RPS6KC1: variants seen among roughly 807,000 people sequenced by gnomAD.
The protein encoded by RPS6KC1 is inactive ribosomal protein S6 kinase delta-1.
Under a neutral mutation model 103.8 loss-of-function variants are expected in RPS6KC1, and 54 were observed. That is an observed-to-expected ratio of 0.52 (90% CI 0.42 to 0.65). RPS6KC1 has a LOEUF of 0.65. Ranked by LOEUF, RPS6KC1 falls within the 30% of genes least tolerant of loss-of-function variation. The pLI is 0.00. For missense variants in RPS6KC1, 1,151 were observed against 1,253.8 expected (o/e 0.92, Z 1.24); for synonymous variants, 439 against 438.7 (o/e 1.00, Z -0.01).
At chr1:213,857,933 T>A in the RPS6KC1 span, among the ~76,000 whole-genome samples, 1 of 152,164 alleles carries the variant, frequency 6.6e-6, no homozygotes, top group South Asian at 2.1e-4. Flanking sequence ...TCATGCCAAA[T>A]AGGAGAGGGA....
chr1:213,164,039 C>G (rs2090731342), intron 6 of RPS6KC1, among the ~76,000 whole-genome samples: 1 of 152,134 alleles, frequency 6.6e-6, no homozygotes, highest in Non-Finnish European at 1.5e-5. Context: ...TGAAAGGTAG[C>G]TTAGGATAGT....
chr1:213,241,689 C>T lies in RPS6KC1; in HGVS notation c.2213C>T (p.Thr738Ile), dbSNP rs2148945333. The change falls in exon 11 of 15, where the codon ACT becomes ATT. Residue 738 changes from threonine (T) to isoleucine (I), a missense_variant. This residue lies in a region of RPS6KC1 where 959 missense variants were observed against 1,006.3 expected (regional missense o/e 0.95). Coordinates refer to ENST00000366960, the MANE Select transcript of RPS6KC1 (RefSeq NM_012424.6). ...APDVLCLRLS[T>I]EQCQAHEEKG... ...GATGTTTTATGCCTCAGGCTTAGTA[C>T]TGAACAATGCCAAGCACATGAGGAG... The T allele has an allele frequency of 1.2e-6, 2 of 1,613,872 alleles. No homozygotes were observed. The highest frequency in any genetic ancestry group is 2.2e-5 in the East Asian group (1 of 44,848).
At chr1:213,153,428 T>G (rs573868571) in intron 6 of RPS6KC1, among the ~76,000 whole-genome samples, 33 of 152,330 alleles carry the variant, frequency 2.2e-4, no homozygotes, top group African/African-American at 6.0e-4. Flanking sequence ...TGATAACAAC[T>G]TAACACTTGT....
At chr1:213,860,450 A>G in the RPS6KC1 span, among the ~76,000 whole-genome samples, 1 of 152,226 alleles carries the variant, frequency 6.6e-6, no homozygotes, top group East Asian at 1.9e-4. Flanking sequence ...CCATAATAAG[A>G]GCTCACAGCT....
chr1:213,808,069 C>T, the RPS6KC1 span, among the ~76,000 whole-genome samples: 1 of 152,200 alleles, frequency 6.6e-6, no homozygotes, highest in Non-Finnish European at 1.5e-5. Context: ...TGGGTATCAG[C>T]AGCGGTGTCT....
intron 3 of RPS6KC1, among the ~76,000 whole-genome samples, chr1:213,085,778 G>A (rs962549703): frequency 6.6e-6 from 1 of 151,788 alleles, no homozygotes; most frequent in Admixed American, 6.6e-5. Flanking sequence ...AATTGATCTG[G>A]ACTCACATAT....
intron 10 of RPS6KC1, among the ~76,000 whole-genome samples, chr1:213,236,485 A>G (rs2148902660): frequency 1.3e-5 from 2 of 152,310 alleles, no homozygotes; most frequent in South Asian, 4.1e-4. Flanking sequence ...GGTGATGTTT[A>G]GTAGACAGGC....
At chr1:213,550,431 T>C in the RPS6KC1 span, among the ~76,000 whole-genome samples, 1 of 152,164 alleles carries the variant, frequency 6.6e-6, no homozygotes, top group Non-Finnish European at 1.5e-5. Context: ...AGGACATTAA[T>C]TGAGATCATT....
At chr1:213,566,982 TGTATGGTTGGTG>T in the RPS6KC1 span, among the ~76,000 whole-genome samples, 1 of 152,196 alleles carries the variant, frequency 6.6e-6, no homozygotes, top group African/African-American at 2.4e-5. Context: ...TGGATTGTAA[TGTATGGTTGGTG>T]GACATTTATC....
At chr1:213,613,491 G>C in the RPS6KC1 span, among the ~76,000 whole-genome samples, 2 of 152,192 alleles carry the variant, frequency 1.3e-5, no homozygotes, top group African/African-American at 4.8e-5. Context: ...AAGGGACTGT[G>C]GTGGACATCA....
Position 213,225,343 on chromosome 1 carries a change from A to G in RPS6KC1, c.1045-5154A>G, listed in dbSNP as rs555084222. ...GCACACAAACTTTGTAGGAGAAGAA[A>G]GTAAATATAAACAAAGCAGCATTTC... On this transcript the variant is annotated intron_variant, in intron 8 of 14. Coordinates refer to ENST00000366960, the MANE Select transcript of RPS6KC1 (RefSeq NM_012424.6). 3.3e-5 allele frequency among the ~76,000 whole-genome samples: 5 copies of G among 152,260 alleles called. No individual in the cohort carries two copies. In the East Asian group the frequency reaches 9.7e-4, roughly 29 times the overall value.
the RPS6KC1 span, among the ~76,000 whole-genome samples, chr1:213,807,629 A>C: frequency 1.3e-5 from 2 of 152,098 alleles, no homozygotes; most frequent in South Asian, 4.1e-4. Flanking sequence ...TTTCAGCTCC[A>C]TCAGCTCCTT....
At chr1:213,631,145 C>G in the RPS6KC1 span, among the ~76,000 whole-genome samples, 1 of 152,144 alleles carries the variant, frequency 6.6e-6, no homozygotes, top group African/African-American at 2.4e-5. Flanking sequence ...AATTCCCTGA[C>G]CTCTTGCACT....
At chr1:213,493,806 A>G in the RPS6KC1 span, among the ~76,000 whole-genome samples, 1 of 152,232 alleles carries the variant, frequency 6.6e-6, no homozygotes, top group Admixed American at 6.5e-5. Context: ...AAAGCCCTGT[A>G]GGGAAATACA....
At chr1:213,720,266 G>T in the RPS6KC1 span, among the ~76,000 whole-genome samples, 1 of 152,202 alleles carries the variant, frequency 6.6e-6, no homozygotes, top group Non-Finnish European at 1.5e-5. Context: ...AGAGGTCTGG[G>T]AGTGTTTAAG....
At chr1:213,485,580 C>T in the RPS6KC1 span, among the ~76,000 whole-genome samples, 1 of 152,254 alleles carries the variant, frequency 6.6e-6, no homozygotes, top group South Asian at 2.1e-4. Context: ...ACCTAAAACA[C>T]ATTTTTGCTC....
the RPS6KC1 span, among the ~76,000 whole-genome samples, chr1:213,519,300 A>G: frequency 6.6e-6 from 1 of 152,188 alleles, no homozygotes; most frequent in African/African-American, 2.4e-5. Context: ...CCTGTTGGTA[A>G]GAGTCTGTAA....
intron 3 of RPS6KC1, among the ~76,000 whole-genome samples, chr1:213,082,528 T>TACTGGAA (rs2079998060): frequency 3.3e-5 from 5 of 152,194 alleles, no homozygotes; most frequent in Admixed American, 3.3e-4. Context: ...AGGTAAGTGT[T>TACTGGAA]ACTGGAAACT....
intron 1 of RPS6KC1, among the ~76,000 whole-genome samples, chr1:213,061,301 A>G (rs1572261340): frequency 2.6e-5 from 4 of 152,346 alleles, no homozygotes; most frequent in African/African-American, 9.6e-5. Flanking sequence ...AATTTGTCCC[A>G]TTGACTTATC....
Sources: gnomAD v4.1 joint callset for allele counts (sites outside exome capture counted in the v4.1 genomes callset) on GRCh38, gnomAD v4.1.1 for gene constraint, gnomAD v4.1.1 regional missense constraint, MANE v1.5 for transcripts, NCBI Gene and HGNC (gene_info 2026-07-23, HGNC 2026-07-21) for gene names.